Variants in WASF2 observed in about 807,000 individuals in gnomAD.
WASF2 encodes WASP family member 2, also known as actin-binding protein WASF2.
WASF2 carries 14 observed loss-of-function variants against 45.0 expected under a neutral mutation model. The ratio of observed to expected loss-of-function variants is 0.31; its 90% CI spans 0.21 to 0.49. The LOEUF is 0.49. Ranked by LOEUF, WASF2 falls within the 20% of genes least tolerant of loss-of-function variation. WASF2 has a pLI of 0.99. For synonymous variants in WASF2, 200 were observed against 236.3 expected, an observed-to-expected ratio of 0.85 and a Z score of 1.41; for missense variants, 439 against 636.1, an observed-to-expected ratio of 0.69 and a Z score of 3.33.
At chr1:27,488,777 T>C (rs2017981837) in intron 1 of WASF2, among the ~76,000 whole-genome samples, 1 of 152,146 alleles carries the variant, frequency 6.6e-6, no homozygotes, top group South Asian at 2.1e-4. Context: ...CCTAACACTA[T>C]CTTTTGAGTG....
At chr1:27,467,729 G>A (rs2017635214) in intron 1 of WASF2, among the ~76,000 whole-genome samples, 2 of 151,652 alleles carry the variant, frequency 1.3e-5, no homozygotes, top group African/African-American at 4.8e-5. Context: ...TGGCTGACAC[G>A]GTGAGACTCT....
At chr1:27,443,526 T>C (rs2017272261) in intron 1 of WASF2, among the ~76,000 whole-genome samples, 1 of 151,442 alleles carries the variant, frequency 6.6e-6, no homozygotes, top group Non-Finnish European at 1.5e-5. Context: ...GGCAGGAGAA[T>C]CGCTTGAACC....
At chr1:27,454,319 T>C (rs906151593) in intron 1 of WASF2, among the ~76,000 whole-genome samples, 1 of 150,328 alleles carries the variant, frequency 6.7e-6, no homozygotes, top group Non-Finnish European at 1.5e-5. Flanking sequence ...GCCTCCTGAG[T>C]AGCTGGGACC....
chr1:27,453,449 A>T (rs940914878), intron 1 of WASF2, among the ~76,000 whole-genome samples: 4 of 151,672 alleles, frequency 2.6e-5, no homozygotes, highest in Non-Finnish European at 4.4e-5. Flanking sequence ...AAAATTAGCC[A>T]GGTGTGGTGG....
intron 5 of WASF2, 98 bp from the exon 6 acceptor site, chr1:27,415,061 C>A: frequency 3.4e-6 from 5 of 1,455,172 alleles, no homozygotes; most frequent in South Asian, 2.5e-5. Flanking sequence ...AAGAGATAAT[C>A]TGCCTAGACA....
intron 4 of WASF2, among the ~76,000 whole-genome samples, chr1:27,416,525 C>A (rs958276030): frequency 1.3e-5 from 2 of 152,232 alleles, no homozygotes; most frequent in South Asian, 4.1e-4. Flanking sequence ...TAGCTTCCCA[C>A]CCACTGGAAA....
intron 1 of WASF2, among the ~76,000 whole-genome samples, chr1:27,447,930 T>C (rs1160400108): frequency 6.6e-6 from 1 of 152,188 alleles, no homozygotes; most frequent in African/African-American, 2.4e-5. Flanking sequence ...CCATGTTCCA[T>C]GCTTTAAAGG....
At chr1:27,411,472 G>A (rs2016759202) in intron 7 of WASF2, among the ~76,000 whole-genome samples, 1 of 152,196 alleles carries the variant, frequency 6.6e-6, no homozygotes, top group Non-Finnish European at 1.5e-5. Flanking sequence ...GCACTAAGAG[G>A]AAGTGACTCT....
At chr1:27,441,715 C>T (rs1451372576) in intron 1 of WASF2, among the ~76,000 whole-genome samples, 1 of 128,974 alleles carries the variant, frequency 7.8e-6, no homozygotes, top group Admixed American at 1.0e-4. Flanking sequence ...GATTGCGCCA[C>T]TGCACTCCAG....
chr1:27,462,704 T>A (rs961655155), intron 1 of WASF2, among the ~76,000 whole-genome samples: 1 of 152,206 alleles, frequency 6.6e-6, no homozygotes, highest in African/African-American at 2.4e-5. Context: ...AGTTTCCCCA[T>A]CTATAAATTG....
intron 4 of WASF2, among the ~76,000 whole-genome samples, chr1:27,418,064 A>G (rs1238065256): frequency 6.6e-6 from 1 of 152,216 alleles, no homozygotes; most frequent in East Asian, 1.9e-4. Flanking sequence ...TATATTCACT[A>G]TGAATTTCAG....
chr1:27,446,118 T>C (rs1388818855), intron 1 of WASF2, among the ~76,000 whole-genome samples: 2 of 152,166 alleles, frequency 1.3e-5, no homozygotes, highest in African/African-American at 2.4e-5. Context: ...CCAATTACTT[T>C]AATCGTAAAA....
intron 1 of WASF2, among the ~76,000 whole-genome samples, chr1:27,464,646 G>A (rs976339278): frequency 6.6e-6 from 1 of 152,192 alleles, no homozygotes; most frequent in African/African-American, 2.4e-5. Context: ...ATCTGAGTGA[G>A]GTCCTGAGCT....
chr1:27,453,394 C>T (rs1194175528), intron 1 of WASF2, among the ~76,000 whole-genome samples: 1 of 149,714 alleles, frequency 6.7e-6, no homozygotes, highest in East Asian at 2.0e-4. Flanking sequence ...CAGTTTGAGA[C>T]CAGCCTGGGC....
chr1:27,441,703 G>A (rs1198083274), intron 1 of WASF2, among the ~76,000 whole-genome samples: 5 of 127,790 alleles, frequency 3.9e-5, no homozygotes, highest in African/African-American at 1.5e-4. Flanking sequence ...GCAGTGAGCC[G>A]AGATTGCGCC....
At chr1:27,419,195 T>C (rs951772611) in intron 2 of WASF2, 107 bp from the exon 3 acceptor site, 217 of 1,209,354 alleles carry the variant, frequency 1.8e-4, no homozygotes, top group Middle Eastern at 5.8e-4. Context: ...CACATACATA[T>C]ACACACACAT....
intron 1 of WASF2, among the ~76,000 whole-genome samples, chr1:27,453,140 G>C (rs11803891): frequency 0.032 from 4,856 of 151,874 alleles, 248 homozygotes; most frequent in African/African-American, 0.11. Context: ...CCACGAGGCA[G>C]GTTGCAGTGA....
intron 1 of WASF2, among the ~76,000 whole-genome samples, chr1:27,483,196 G>A (rs1313124783): frequency 2.6e-5 from 4 of 152,138 alleles, no homozygotes; most frequent in East Asian, 3.9e-4. Flanking sequence ...TAGGCCGGGC[G>A]TGGTGGCTCA....
intron 1 of WASF2, among the ~76,000 whole-genome samples, chr1:27,476,141 C>T (rs2148140977): frequency 6.6e-6 from 1 of 152,338 alleles, no homozygotes; most frequent in African/African-American, 2.4e-5. Context: ...CAAAGGCTTA[C>T]AGAAAACCTA....
Sources: allele counts gnomAD v4.1 joint callset (sites outside exome capture counted in the v4.1 genomes callset), GRCh38; gene constraint gnomAD v4.1.1; transcripts MANE v1.5; gene names NCBI Gene and HGNC (gene_info 2026-07-23, HGNC 2026-07-21).